The following DLG2 variants were observed in gnomAD, a reference collection of about 807,000 sequenced individuals.
DLG2 encodes discs large MAGUK scaffold protein 2, also known as disks large homolog 2.
Under a neutral mutation model 132.5 loss-of-function variants are expected in DLG2, and 45 were observed. The observed-to-expected ratio is 0.34, with a 90% CI of 0.27 to 0.44. DLG2 has a LOEUF of 0.44. Ranked by LOEUF, DLG2 falls within the 20% of genes least tolerant of loss-of-function variation. The pLI is 1.00. For missense variants in DLG2, 1,045 were observed against 1,196.9 expected, an observed-to-expected ratio of 0.87 and a Z score of 1.87; for synonymous variants, 424 against 419.6, an observed-to-expected ratio of 1.01 and a Z score of -0.13.
intron 4 of DLG2, among the ~76,000 whole-genome samples, chr11:85,225,937 G>T (rs1471656046): frequency 6.6e-6 from 1 of 151,962 alleles, no homozygotes; most frequent in Non-Finnish European, 1.5e-5. Flanking sequence ...CATGGAACTT[G>T]TTCCTTCTCT....
intron 10 of DLG2, among the ~76,000 whole-genome samples, chr11:84,067,833 A>G (rs2096702357): frequency 6.6e-6 from 1 of 152,226 alleles, no homozygotes; most frequent in African/African-American, 2.4e-5. Flanking sequence ...AATAAAAATC[A>G]GCATAATTTA....
In DLG2 at chr11:85,403,283, T is replaced by C. The variant is rs1003661170; in HGVS notation, c.41-117918A>G. On this transcript the variant is annotated intron_variant, in intron 3 of 27. Transcript: ENST00000376104. ...CGCATATTCACACTCATAGGTGGAGTTGAACAACAAGAACGCATGCACACA... is the reference window on the plus strand; with the variant it reads ...CGCATATTCACACTCATAGGTGGAGCTGAACAACAAGAACGCATGCACACA... 4.0e-5 allele frequency among the ~76,000 whole-genome samples: 6 copies of C among 151,418 alleles called. No homozygotes were observed. The East Asian group carries it at 5.9e-4, about 15-fold the overall frequency.
chr11:84,981,665 A>G (rs770982027), intron 6 of DLG2, among the ~76,000 whole-genome samples: 2 of 152,114 alleles, frequency 1.3e-5, no homozygotes, highest in Non-Finnish European at 2.9e-5. Flanking sequence ...CACCATTTTA[A>G]CATGTATAAG....
chr11:84,538,522 C>T (rs539149707), intron 6 of DLG2, among the ~76,000 whole-genome samples: 9 of 152,100 alleles, frequency 5.9e-5, no homozygotes, highest in Non-Finnish European at 8.8e-5. Flanking sequence ...AAGTATCCAG[C>T]GAGATTAGCT....
At chr11:84,605,018 G>T (rs576506884) in intron 6 of DLG2, among the ~76,000 whole-genome samples, 2 of 151,898 alleles carry the variant, frequency 1.3e-5, no homozygotes, top group East Asian at 3.9e-4. Flanking sequence ...TGAGATAGAA[G>T]TTACTGTTTG....
chr11:84,522,490 C>G (rs2099306722), intron 7 of DLG2, among the ~76,000 whole-genome samples: 1 of 152,178 alleles, frequency 6.6e-6, no homozygotes, highest in Non-Finnish European at 1.5e-5. Context: ...TGGCCACAAA[C>G]TCTAACATAC....
intron 18 of DLG2, among the ~76,000 whole-genome samples, chr11:83,752,695 TAGC>T (rs2093380401): frequency 6.6e-6 from 1 of 152,038 alleles, no homozygotes; most frequent in African/African-American, 2.4e-5. Flanking sequence ...ATGGGAGAAA[TAGC>T]AGTGTGAGTT....
intron 9 of DLG2, among the ~76,000 whole-genome samples, chr11:84,163,212 C>A (rs1369318668): frequency 1.3e-5 from 2 of 152,084 alleles, no homozygotes; most frequent in Non-Finnish European, 1.5e-5. Context: ...GCTCATCAAA[C>A]ATTTCTCTTT....
chr11:85,597,665 A>G (rs748543605), intron 3 of DLG2, among the ~76,000 whole-genome samples: 1 of 151,696 alleles, frequency 6.6e-6, no homozygotes, highest in African/African-American at 2.4e-5. Flanking sequence ...ATAAAGTTGG[A>G]GTTTTTATCA....
intron 3 of DLG2, among the ~76,000 whole-genome samples, chr11:85,544,672 C>A (rs2076187885): frequency 6.6e-6 from 1 of 152,146 alleles, no homozygotes; most frequent in South Asian, 2.1e-4. Context: ...TTTCCTTGAG[C>A]AGTGGTTTGT....
intron 4 of DLG2, among the ~76,000 whole-genome samples, chr11:85,188,587 GAATT>G (rs906836809): frequency 2.0e-5 from 3 of 151,998 alleles, no homozygotes; most frequent in Non-Finnish European, 4.4e-5. Flanking sequence ...TATATTATAA[GAATT>G]AAAGCCCATT....
At chr11:84,558,508 AG>A (rs1565297242) in intron 6 of DLG2, among the ~76,000 whole-genome samples, 2 of 152,176 alleles carry the variant, frequency 1.3e-5, no homozygotes, top group African/African-American at 4.8e-5. Flanking sequence ...TAAACCAATC[AG>A]GGCTCTGCTA....
intron 3 of DLG2, among the ~76,000 whole-genome samples, chr11:85,483,080 G>C (rs1565561252): frequency 1.3e-5 from 2 of 152,198 alleles, no homozygotes; most frequent in Admixed American, 6.5e-5. Context: ...TATCCAAGTA[G>C]AGGAACAGAT....
chr11:85,479,622 T>C (rs191463044), intron 3 of DLG2, among the ~76,000 whole-genome samples: 1 of 152,302 alleles, frequency 6.6e-6, no homozygotes, highest in East Asian at 1.9e-4. Context: ...ATCAGGAAAA[T>C]GCAAATTAAA....
chr11:84,327,556 G>T (rs567795829), intron 7 of DLG2, among the ~76,000 whole-genome samples: 1 of 151,936 alleles, frequency 6.6e-6, no homozygotes, highest in African/African-American at 2.4e-5. Context: ...TGTTGCTTTT[G>T]ATTTCTTTCT....
intron 3 of DLG2, among the ~76,000 whole-genome samples, chr11:85,597,178 C>T (rs1171134859): frequency 1.3e-5 from 2 of 152,064 alleles, no homozygotes; most frequent in East Asian, 3.8e-4. Context: ...GTTACATTAT[C>T]AAATGATTAT....
intron 7 of DLG2, among the ~76,000 whole-genome samples, chr11:84,293,702 A>G (rs1209272081): frequency 1.3e-5 from 2 of 152,152 alleles, no homozygotes; most frequent in Non-Finnish European, 2.9e-5. Context: ...AAAAATAAAG[A>G]TATCATAAAG....
At chr11:85,472,093 G>C (rs1382790382) in intron 3 of DLG2, among the ~76,000 whole-genome samples, 1 of 152,158 alleles carries the variant, frequency 6.6e-6, no homozygotes, top group South Asian at 2.1e-4. Context: ...CAAGCTGCCA[G>C]TCTGGGTGAA....
At chr11:84,700,119 C>T (rs1426759583) in intron 6 of DLG2, among the ~76,000 whole-genome samples, 2 of 151,578 alleles carry the variant, frequency 1.3e-5, no homozygotes, top group African/African-American at 4.8e-5. Flanking sequence ...ACTTTCTTTG[C>T]TATTAATTCC....
Sources: gnomAD v4.1 joint callset for allele counts (sites outside exome capture counted in the v4.1 genomes callset) on GRCh38, gnomAD v4.1.1 for gene constraint, MANE v1.5 for transcripts, NCBI Gene and HGNC (gene_info 2026-07-23, HGNC 2026-07-21) for gene names.